Variants in NBAS observed in about 807,000 individuals in gnomAD.
NBAS encodes the protein NBAS subunit of NRZ tethering complex, also known as NAG/BC035112 fusion.
In NBAS, 219 loss-of-function variants were observed where a neutral mutation model predicts 302.5. That is an observed-to-expected ratio of 0.72 (90% CI 0.65 to 0.81). The LOEUF (loss-of-function observed/expected upper bound fraction) is 0.81, where lower values mean the gene tolerates loss of function less well. Ranked by LOEUF, NBAS falls within the 30% of genes least tolerant of loss-of-function variation. The pLI is 0.00. For synonymous variants in NBAS, 1,118 were observed against 1,021.6 expected (o/e 1.09, Z -1.80); for missense variants, 2,932 against 2,841.6 (o/e 1.03, Z -0.72).
the NBAS span, among the ~76,000 whole-genome samples, chr2:15,052,316 G>T: frequency 2.0e-5 from 3 of 152,138 alleles, no homozygotes; most frequent in African/African-American, 7.2e-5. Context: ...TTCAAACTCA[G>T]GTGTGATGCC....
chr2:15,338,995 A>T (rs1672726010), intron 35 of NBAS, among the ~76,000 whole-genome samples: 2 of 152,152 alleles, frequency 1.3e-5, no homozygotes, highest in South Asian at 4.1e-4. Context: ...AGCATTGGTG[A>T]CACAGCCAAA....
At chr2:14,859,310 TC>T in the NBAS span, among the ~76,000 whole-genome samples, 1 of 151,966 alleles carries the variant, frequency 6.6e-6, no homozygotes, top group Non-Finnish European at 1.5e-5. Context: ...CTGATGACAT[TC>T]TTCACTGAAA....
At chr2:15,170,917 G>A (rs55794322) in intron 51 of NBAS, among the ~76,000 whole-genome samples, 19,014 of 152,136 alleles carry the variant, frequency 0.12, 1,448 homozygotes, top group South Asian at 0.32. Context: ...CAGCACAGCC[G>A]AGTGCTGGGT....
At chr2:15,217,672 C>T (rs550507394) in intron 48 of NBAS, among the ~76,000 whole-genome samples, 9 of 152,344 alleles carry the variant, frequency 5.9e-5, no homozygotes, top group Admixed American at 3.3e-4. Flanking sequence ...GACTCCTGGA[C>T]GCTATGGCCT....
chr2:15,037,148 G>A, the NBAS span, among the ~76,000 whole-genome samples: 1 of 152,202 alleles, frequency 6.6e-6, no homozygotes, highest in Non-Finnish European at 1.5e-5. Flanking sequence ...TGTCTTCTCT[G>A]TGGCAAGCAT....
chr2:15,054,281 TAGTAATACAA>T, the NBAS span, among the ~76,000 whole-genome samples: 1 of 152,196 alleles, frequency 6.6e-6, no homozygotes, highest in African/African-American at 2.4e-5. Flanking sequence ...GCTAATCAGC[TAGTAATACAA>T]AGTCAATGCT....
the NBAS span, among the ~76,000 whole-genome samples, chr2:14,802,254 TC>T: frequency 7.1e-6 from 1 of 141,162 alleles, no homozygotes; most frequent in Non-Finnish European, 1.5e-5. Flanking sequence ...TAGCCAGTTT[TC>T]CCAGCACCAT....
chr2:15,338,747 C>T (rs185872191), intron 35 of NBAS, among the ~76,000 whole-genome samples: 17 of 151,726 alleles, frequency 1.1e-4, no homozygotes, highest in Admixed American at 3.3e-4. Context: ...CAGTGGCTCA[C>T]GCCTGTAATC....
chr2:15,554,299 A>G (rs545660255), intron 3 of NBAS, among the ~76,000 whole-genome samples, 161 bp from the exon 4 acceptor site: 4 of 152,242 alleles, frequency 2.6e-5, no homozygotes, highest in African/African-American at 9.6e-5. Flanking sequence ...ACTATTTGGT[A>G]GCTGAAATTT....
chr2:15,357,340 C>T (rs944041988), intron 32 of NBAS, among the ~76,000 whole-genome samples: 1 of 152,184 alleles, frequency 6.6e-6, no homozygotes, highest in Non-Finnish European at 1.5e-5. Flanking sequence ...CCATCACACT[C>T]ACTCAGAAGA....
chr2:15,093,470 C>A, the NBAS span, among the ~76,000 whole-genome samples: 1,017 of 152,250 alleles, frequency 6.7e-3, 9 homozygotes, highest in African/African-American at 0.023. Context: ...ATGTTGATAA[C>A]CATGTTCAAC....
rs552190002 is a variant in NBAS, at chr2:15,394,318, C to T, written c.3166G>A (p.Glu1056Lys). 17 of 1,612,924 alleles carry T rather than the reference C, an allele frequency of 1.1e-5. No homozygotes were observed. The highest frequency in any genetic ancestry group is 6.6e-5 in the South Asian group (6 of 91,042). ...VSELLEKHGLEKPISFVKNTQ... is the reference protein window; with the variant it reads ...VSELLEKHGLKKPISFVKNTQ... The stretch of plus-strand genomic sequence containing the variant: ...TTTTTAACAAATGAAATTGGTTTCT[C>T]GAGTCCATGTTTTTCCAAAAGCTCT... Residue 1056 changes from glutamate (E) to lysine (K), a missense_variant, in exon 28 of 52, where the codon GAG becomes AAG. Transcript: ENST00000281513.
the NBAS span, among the ~76,000 whole-genome samples, chr2:14,830,847 TGTC>T: frequency 5.9e-5 from 9 of 152,224 alleles, no homozygotes; most frequent in African/African-American, 1.2e-4. Flanking sequence ...TGCTGATAAC[TGTC>T]TGACAGCCAG....
At chr2:15,448,376 T>C (rs1409303208) in intron 21 of NBAS, among the ~76,000 whole-genome samples, 40 of 152,200 alleles carry the variant, frequency 2.6e-4, no homozygotes, top group Non-Finnish European at 8.8e-5. Context: ...GCAACTGTGC[T>C]AGATGATGTA....
intron 19 of NBAS, among the ~76,000 whole-genome samples, chr2:15,462,771 T>C (rs899593625): frequency 5.9e-5 from 9 of 152,144 alleles, no homozygotes; most frequent in African/African-American, 1.9e-4. Context: ...GTTAGAGATA[T>C]ATGGCATAGG....
At chr2:15,160,392 T>C in the NBAS span, among the ~76,000 whole-genome samples, 1 of 152,142 alleles carries the variant, frequency 6.6e-6, no homozygotes, top group Admixed American at 6.5e-5. Context: ...TCCCTACGCA[T>C]GGACACACCT....
At chr2:15,372,627 CA>C (rs1454452720) in intron 31 of NBAS, among the ~76,000 whole-genome samples, 2 of 152,174 alleles carry the variant, frequency 1.3e-5, no homozygotes, top group East Asian at 3.9e-4. Flanking sequence ...TCTTCACATC[CA>C]GAAGGTTTTC....
At chr2:15,446,087 A>G (rs891989157) in intron 21 of NBAS, among the ~76,000 whole-genome samples, 1 of 147,570 alleles carries the variant, frequency 6.8e-6, no homozygotes, top group East Asian at 2.2e-4. Flanking sequence ...GAGTCCCAGA[A>G]AAAAAAAAGT....
the NBAS span, among the ~76,000 whole-genome samples, chr2:15,087,666 G>A: frequency 1.2e-3 from 185 of 152,348 alleles, no homozygotes; most frequent in Non-Finnish European, 2.1e-3. Context: ...GGCCAGGCCT[G>A]AGTGCCTGTG....
Sources: allele counts gnomAD v4.1 joint callset (sites outside exome capture counted in the v4.1 genomes callset), GRCh38; gene constraint gnomAD v4.1.1; transcripts MANE v1.5; gene names NCBI Gene and HGNC (gene_info 2026-07-23, HGNC 2026-07-21).